Variants in CHP1 observed in about 807,000 individuals in gnomAD.
The protein encoded by CHP1 is calcineurin like EF-hand protein 1.
In CHP1, 11 loss-of-function variants were observed where a neutral mutation model predicts 27.4. The ratio of observed to expected loss-of-function variants is 0.40; its 90% CI spans 0.25 to 0.67. The LOEUF (loss-of-function observed/expected upper bound fraction) is 0.67, where lower values mean the gene tolerates loss of function less well. Among genes scored for constraint, CHP1 ranks in the 30% least tolerant of loss-of-function variants. The pLI, the probability that CHP1 is intolerant of heterozygous loss-of-function variation, is 0.38. For synonymous variants in CHP1, 89 were observed against 87.4 expected (o/e 1.02, Z -0.10); for missense variants, 169 against 251.3 (o/e 0.67, Z 2.22).
intron 4 of CHP1, chr15:41,264,245 T>TC: frequency 7.8e-7 from 1 of 1,279,942 alleles, no homozygotes; most frequent in Non-Finnish European, 1.0e-6. Flanking sequence ...TGTAAGTCCT[T>TC]CCCCTCACTT....
chr15:41,256,193 A>G (rs1228005740), intron 2 of CHP1, among the ~76,000 whole-genome samples: 1 of 152,222 alleles, frequency 6.6e-6, no homozygotes, highest in East Asian at 1.9e-4. Flanking sequence ...TACATAAAAC[A>G]TTGGCGTGAA....
At chr15:41,232,798 A>G (rs1035462624) in intron 1 of CHP1, among the ~76,000 whole-genome samples, 4 of 152,146 alleles carry the variant, frequency 2.6e-5, no homozygotes, top group Admixed American at 6.6e-5. Context: ...CCATATGCAG[A>G]TAGTACTGAG....
intron 2 of CHP1, among the ~76,000 whole-genome samples, chr15:41,244,067 A>G (rs1965140): frequency 0.52 from 78,482 of 151,618 alleles, 22,225 homozygotes; most frequent in African/African-American, 0.76. Context: ...GTGTGGTGGT[A>G]GGCGCCTGTA....
chr15:41,260,041 T>C (rs2047424552), intron 3 of CHP1, among the ~76,000 whole-genome samples: 1 of 152,220 alleles, frequency 6.6e-6, no homozygotes, highest in Non-Finnish European at 1.5e-5. Flanking sequence ...AGGTCATTCT[T>C]TTGAGTACAG....
chr15:41,258,874 G>T (rs1037505278), intron 3 of CHP1, among the ~76,000 whole-genome samples: 2 of 152,190 alleles, frequency 1.3e-5, no homozygotes, highest in Non-Finnish European at 2.9e-5. Flanking sequence ...AATGCCTGGA[G>T]AGGAAATTTT....
chr15:41,279,457 A>T lies in CHP1; in HGVS notation c.*68A>T. The T allele has an allele frequency of 7.8e-7, 1 of 1,286,886 alleles. No homozygotes were observed. The highest frequency in any genetic ancestry group is 1.1e-6 in the Non-Finnish European group (1 of 890,492). The allele number at this position is 1,286,886 out of a possible 1,614,324, so 79.7% of individuals were successfully genotyped here. ...GAACTTGAAAGTCCTCCTTCTACCA[A>T]CTCCACCTCCACCCCCTCATTCCCC... On this transcript the variant is annotated 3_prime_UTR_variant, in exon 7 of 7. Coordinates refer to ENST00000334660, the MANE Select transcript of CHP1 (RefSeq NM_007236.5).
At chr15:41,264,222 C>T (rs1446968346) in intron 4 of CHP1, 5 of 1,286,212 alleles carry the variant, frequency 3.9e-6, no homozygotes, top group Middle Eastern at 2.1e-4. Context: ...CAACACTCCT[C>T]CCAAGCATGG....
chr15:41,261,672 C>T (rs899727194), intron 3 of CHP1, among the ~76,000 whole-genome samples: 1 of 151,522 alleles, frequency 6.6e-6, no homozygotes. Context: ...TCCTAGCTAA[C>T]ACGGTGAAAC....
At chr15:41,236,129 A>G (rs2047275670) in intron 1 of CHP1, among the ~76,000 whole-genome samples, 1 of 146,690 alleles carries the variant, frequency 6.8e-6, no homozygotes. Flanking sequence ...CCCAGGCTGG[A>G]GTGCAGTGGT....
chr15:41,276,149 G>GAGA (rs932105998), intron 5 of CHP1, among the ~76,000 whole-genome samples: 1 of 151,542 alleles, frequency 6.6e-6, no homozygotes, highest in Non-Finnish European at 1.5e-5. Context: ...GCTGAGGCAG[G>GAGA]AGAATCGCCT....
intron 2 of CHP1, among the ~76,000 whole-genome samples, chr15:41,251,643 T>C (rs1289301751): frequency 1.3e-5 from 2 of 152,166 alleles, no homozygotes; most frequent in Non-Finnish European, 2.9e-5. Flanking sequence ...ACTGCCCATG[T>C]GAGGGATCTA....
At chr15:41,249,336 A>G (rs2047352152) in intron 2 of CHP1, among the ~76,000 whole-genome samples, 1 of 151,740 alleles carries the variant, frequency 6.6e-6, no homozygotes, top group South Asian at 2.1e-4. Context: ...TATTTTTTGT[A>G]GAGAGGAGGT....
At chr15:41,252,435 G>A (rs1241870682) in intron 2 of CHP1, among the ~76,000 whole-genome samples, 1 of 152,134 alleles carries the variant, frequency 6.6e-6, no homozygotes, top group Admixed American at 6.6e-5. Flanking sequence ...CCAAAGTGCT[G>A]GAATTACAGG....
chr15:41,246,427 C>G (rs1354634665), intron 2 of CHP1, among the ~76,000 whole-genome samples: 1 of 150,492 alleles, frequency 6.6e-6, no homozygotes, highest in Non-Finnish European at 1.5e-5. Context: ...TCAAGTGATT[C>G]TCCTGCCTCA....
Position 41,279,586 on chromosome 15 carries a change from T to C in CHP1, c.*197T>C, listed in dbSNP as rs1419399693. The stretch of plus-strand genomic sequence containing the variant: ...CAGGGCATTACAGAATGGTACACCC[T>C]ATATATTTCTGTTCAGTATCCATTC... On this transcript the variant is annotated 3_prime_UTR_variant, in exon 7 of 7. Coordinates refer to ENST00000334660, the MANE Select transcript of CHP1 (RefSeq NM_007236.5). 4 of 543,990 alleles carry C rather than the reference T, an allele frequency of 7.4e-6. No homozygotes were observed. The highest frequency in any genetic ancestry group is 1.3e-5 in the Non-Finnish European group (4 of 304,112). The allele number at this position is 543,990 out of a possible 1,614,324, so 33.7% of individuals were successfully genotyped here.
intron 5 of CHP1, among the ~76,000 whole-genome samples, chr15:41,273,296 CT>C (rs1037344471): frequency 5.3e-5 from 8 of 152,158 alleles, no homozygotes; most frequent in African/African-American, 1.9e-4. Context: ...CACACCAACA[CT>C]TTAAAGAAGA....
At chr15:41,267,364 T>C (rs907259326) in intron 4 of CHP1, among the ~76,000 whole-genome samples, 5 of 146,204 alleles carry the variant, frequency 3.4e-5, no homozygotes, top group African/African-American at 1.3e-4. Context: ...TTTACCACAA[T>C]AAAAAAAAAA....
At chr15:41,252,946 T>G (rs1305912095) in intron 2 of CHP1, among the ~76,000 whole-genome samples, 3 of 135,666 alleles carry the variant, frequency 2.2e-5, no homozygotes, top group Admixed American at 7.6e-5. Context: ...TTTTTTTTTT[T>G]TTTTTTTTTT....
At chr15:41,244,614 C>T (rs1193289909) in intron 2 of CHP1, among the ~76,000 whole-genome samples, 1 of 152,000 alleles carries the variant, frequency 6.6e-6, no homozygotes, top group Non-Finnish European at 1.5e-5. Flanking sequence ...TGGGTTGTGG[C>T]CAGAGATGCT....
Sources: gnomAD v4.1 joint callset for allele counts (sites outside exome capture counted in the v4.1 genomes callset) on GRCh38, gnomAD v4.1.1 for gene constraint, MANE v1.5 for transcripts, NCBI Gene and HGNC (gene_info 2026-07-23, HGNC 2026-07-21) for gene names.